The following PTPRD variants were observed in gnomAD, a reference collection of about 807,000 sequenced individuals.
PTPRD encodes protein tyrosine phosphatase receptor type D, also known as receptor-type tyrosine-protein phosphatase delta.
In PTPRD, 34 loss-of-function variants were observed where a neutral mutation model predicts 214.5. The ratio of observed to expected loss-of-function variants is 0.16; its 90% confidence interval spans 0.12 to 0.21. PTPRD has a LOEUF of 0.21. PTPRD is among the 10% of genes least tolerant of loss of function. The pLI is 1.00. For missense variants in PTPRD, 2,545 were observed against 2,398.7 expected, an observed-to-expected ratio of 1.06 and a Z score of -1.27; for synonymous variants, 1,128 against 845.7, an observed-to-expected ratio of 1.33 and a Z score of -5.79.
intron 2 of PTPRD, among the ~76,000 whole-genome samples, chr9:10,438,046 C>T (rs1331304297): frequency 7.4e-6 from 1 of 134,608 alleles, no homozygotes; most frequent in Non-Finnish European, 1.5e-5. Context: ...GGTCATGTTC[C>T]TATAATATAA....
At chr9:8,896,378 G>C (rs146240335) in intron 11 of PTPRD, among the ~76,000 whole-genome samples, 34 of 152,214 alleles carry the variant, frequency 2.2e-4, no homozygotes, top group African/African-American at 8.2e-4. Flanking sequence ...GAACAGGACA[G>C]ACTTGTGGTT....
intron 5 of PTPRD, among the ~76,000 whole-genome samples, chr9:9,772,711 G>C (rs767132949): frequency 3.0e-4 from 42 of 141,752 alleles, no homozygotes; most frequent in South Asian, 2.5e-4. Context: ...TTTTCATATA[G>C]CAAGTCTTTC....
At chr9:8,688,431 G>T (rs921698355) in intron 12 of PTPRD, among the ~76,000 whole-genome samples, 1 of 152,008 alleles carries the variant, frequency 6.6e-6, no homozygotes, top group Admixed American at 6.6e-5. Context: ...CGGGCGTGGT[G>T]GTGGGCGCCT....
intron 12 of PTPRD, among the ~76,000 whole-genome samples, chr9:8,657,609 T>C (rs1030207986): frequency 6.6e-6 from 1 of 152,242 alleles, no homozygotes. Flanking sequence ...GTCTGGATAA[T>C]AGTTTCTTTT....
At chr9:10,218,722 C>T (rs943003656) in intron 3 of PTPRD, among the ~76,000 whole-genome samples, 2 of 151,624 alleles carry the variant, frequency 1.3e-5, no homozygotes, top group African/African-American at 4.8e-5. Context: ...ATAAAGTTCA[C>T]CAAATGCACT....
intron 2 of PTPRD, among the ~76,000 whole-genome samples, chr9:10,604,715 C>T (rs1485983904): frequency 6.6e-6 from 1 of 151,802 alleles, no homozygotes; most frequent in African/African-American, 2.4e-5. Flanking sequence ...GGAATTCTTA[C>T]ACACTAAAAT....
intron 23 of PTPRD, among the ~76,000 whole-genome samples, chr9:8,503,415 CA>C (rs2137151213): frequency 6.6e-6 from 1 of 152,020 alleles, no homozygotes; most frequent in African/African-American, 2.4e-5. Context: ...GAAAATAACT[CA>C]ACAAAACTCT....
intron 14 of PTPRD, among the ~76,000 whole-genome samples, chr9:8,598,374 T>C (rs1019468227): frequency 3.3e-5 from 5 of 151,886 alleles, no homozygotes; most frequent in African/African-American, 9.7e-5. Flanking sequence ...GGCAGGAGAA[T>C]TGCTTAAACC....
chr9:10,500,501 G>A (rs930784310), intron 2 of PTPRD, among the ~76,000 whole-genome samples: 4 of 151,820 alleles, frequency 2.6e-5, no homozygotes, highest in Non-Finnish European at 4.4e-5. Flanking sequence ...TCCCTTCAGG[G>A]TATGTAGAGC....
intron 11 of PTPRD, among the ~76,000 whole-genome samples, chr9:8,913,448 T>A (rs1454169114): frequency 6.6e-6 from 1 of 152,136 alleles, no homozygotes; most frequent in Non-Finnish European, 1.5e-5. Flanking sequence ...ATCCATTTGT[T>A]TATATCAAGC....
chr9:9,612,485 G>A (rs1414248005), intron 7 of PTPRD, among the ~76,000 whole-genome samples: 1 of 152,138 alleles, frequency 6.6e-6, no homozygotes. Flanking sequence ...GTGCAGGTGT[G>A]CATATAAAAA....
chr9:8,525,317 A>G (rs1460933048), intron 17 of PTPRD: 1 of 488,526 alleles, frequency 2.0e-6, no homozygotes, highest in Non-Finnish European at 3.7e-6. Flanking sequence ...TCCTAGACTA[A>G]TAAAATGAAG....
intron 7 of PTPRD, among the ~76,000 whole-genome samples, chr9:9,667,891 C>A (rs1378643719): frequency 6.6e-6 from 1 of 152,096 alleles, no homozygotes; most frequent in Non-Finnish European, 1.5e-5. Context: ...GGAGAGCTCC[C>A]ACTTTGTAAA....
intron 5 of PTPRD, among the ~76,000 whole-genome samples, chr9:9,868,126 C>T (rs967521992): frequency 1.6e-4 from 24 of 152,076 alleles, no homozygotes; most frequent in African/African-American, 5.3e-4. Context: ...CAGTCTATAC[C>T]GCTGCTTCAG....
intron 11 of PTPRD, among the ~76,000 whole-genome samples, chr9:8,813,086 C>T (rs939054391): frequency 3.3e-5 from 5 of 152,070 alleles, no homozygotes; most frequent in Admixed American, 2.6e-4. Context: ...CCTGGCAGGG[C>T]GCTATCGGTG....
chr9:10,611,910 C>G (rs971346586), intron 2 of PTPRD, among the ~76,000 whole-genome samples: 28 of 150,378 alleles, frequency 1.9e-4, no homozygotes, highest in African/African-American at 6.8e-4. Context: ...TTTCCGCCCC[C>G]CCCCCCTTTT....
intron 11 of PTPRD, among the ~76,000 whole-genome samples, chr9:8,965,822 C>G (rs1264815028): frequency 6.6e-6 from 1 of 152,024 alleles, no homozygotes; most frequent in Non-Finnish European, 1.5e-5. Context: ...AAAAGGCATC[C>G]AAATAGGAAA....
At chr9:9,871,019 G>C (rs1034225189) in intron 5 of PTPRD, among the ~76,000 whole-genome samples, 2 of 152,064 alleles carry the variant, frequency 1.3e-5, no homozygotes, top group Non-Finnish European at 2.9e-5. Flanking sequence ...AAAATTAAGA[G>C]ATGTATTCAT....
chr9:10,225,558 CAGA>C (rs2099586073), intron 3 of PTPRD, among the ~76,000 whole-genome samples: 1 of 151,994 alleles, frequency 6.6e-6, no homozygotes, highest in African/African-American at 2.4e-5. Context: ...TTACCATGAA[CAGA>C]AGCTGCTGTG....
Sources: allele counts gnomAD v4.1 joint callset (sites outside exome capture counted in the v4.1 genomes callset), GRCh38; gene constraint gnomAD v4.1.1; transcripts MANE v1.5; gene names NCBI Gene and HGNC (gene_info 2026-07-23, HGNC 2026-07-21).